NKX6-1: variants seen among roughly 807,000 people sequenced by gnomAD.
NKX6-1 encodes the protein NK6 homeobox 1, also known as homeobox protein Nkx-6.1.
NKX6-1 carries 11 observed loss-of-function variants against 24.9 expected under a neutral mutation model. The ratio of observed to expected loss-of-function variants is 0.44; its 90% CI spans 0.28 to 0.73. NKX6-1 has a LOEUF of 0.73. Ranked by LOEUF, NKX6-1 falls within the 30% of genes least tolerant of loss-of-function variation. NKX6-1 has a pLI of 0.15. For missense variants in NKX6-1, 487 were observed against 502.9 expected, an observed-to-expected ratio of 0.97 and a Z score of 0.30; for synonymous variants, 277 against 242.9, an observed-to-expected ratio of 1.14 and a Z score of -1.31.
chr4:84,494,174 CAAAA>C lies in NKX6-1; in HGVS notation c.844-629_844-626del, dbSNP rs34303850. Among the ~76,000 whole-genome samples the C allele has an allele frequency of 2.4e-3, 253 of 107,574 alleles. 1 individual carries two copies. The highest frequency in any genetic ancestry group is 0.015 in the Middle Eastern group (3 of 200). The allele number at this position is 107,574 out of a possible 152,430, so 70.6% of individuals were successfully genotyped here. A position where few individuals can be genotyped will look rare whatever the true frequency, so the allele number is the denominator to read the frequency against. ...TTTACTTGCAATGTATGGTGCACTTCAAAAAAAAAAAAAAAAAGATCTGTTAAAA... is the reference window on the plus strand; with the variant it reads ...TTTACTTGCAATGTATGGTGCACTTCAAAAAAAAAAAAAGATCTGTTAAAA... On this transcript the variant is annotated intron_variant, in intron 2 of 2. Coordinates refer to ENST00000295886, the MANE Select transcript of NKX6-1 (RefSeq NM_006168.3).
chr4:84,498,615 C>T lies in NKX6-1; in HGVS notation c.-387G>A, dbSNP rs1002157309. On this transcript the variant is annotated 5_prime_UTR_variant, in exon 1 of 3. Coordinates refer to ENST00000295886, the MANE Select transcript of NKX6-1 (RefSeq NM_006168.3). Reference sequence around the variant, plus strand: ...AGCAAAACAAAACCCAGGCTGGCTCCGGAGAGTTTGTAGCAAAGTTAGTTG... The same window carrying T: ...AGCAAAACAAAACCCAGGCTGGCTCTGGAGAGTTTGTAGCAAAGTTAGTTG... Among the ~76,000 whole-genome samples the T allele has an allele frequency of 3.3e-5, 5 of 152,188 alleles. No individual in the cohort carries two copies. Among genetic ancestry groups the T allele is most frequent in the Non-Finnish European group, 7.3e-5 (5 of 68,030 alleles).
rs966343685 is a variant in NKX6-1, at chr4:84,498,898, G to T, written c.-670C>A. On this transcript the variant is annotated 5_prime_UTR_variant, in exon 1 of 3. Transcript: ENST00000295886. ...GCTGCGCCAGAAAGGGCAGTGCCAC[G>T]GATCCCCGCGGCTCCCAGGTCCTCA... is the stretch of plus-strand genomic sequence containing the variant. 6.6e-6 allele frequency among the ~76,000 whole-genome samples: 1 copy of T among 152,220 alleles called. No homozygotes were observed. Among genetic ancestry groups the T allele is most frequent in the Non-Finnish European group, 1.5e-5 (1 of 68,030 alleles).
At position 84,493,863 on chromosome 4, in the gene NKX6-1, TAA is replaced by T. The variant is rs1258836786; in HGVS notation, c.844-316_844-315del. Among the ~76,000 whole-genome samples the T allele has an allele frequency of 1.3e-5, 2 of 152,234 alleles. No individual in the cohort carries two copies. Among genetic ancestry groups the T allele is most frequent in the African/African-American group, 4.8e-5 (2 of 41,466 alleles). ...TCGGAAACTTAAAAATGAGCGTCCC[TAA>T]AAGTGAGTTCACTTTCCTGCCTTCC... On this transcript the variant is annotated intron_variant, in intron 2 of 2. Coordinates refer to ENST00000295886, the MANE Select transcript of NKX6-1 (RefSeq NM_006168.3). The surrounding 1 kb of genome is among the most constrained non-coding windows in gnomAD (Gnocchi z 5.1).
rs1292304236 is a variant in NKX6-1 at position 84,497,789 on chromosome 4, G to A, written c.440C>T (p.Ala147Val). The A allele has an allele frequency of 7.9e-7, 1 of 1,272,432 alleles. No individual in the cohort carries two copies. The highest frequency in any genetic ancestry group is 9.9e-7 in the Non-Finnish European group (1 of 1,013,030). 78.8% of individuals were successfully genotyped at this position (1,272,432 alleles called of 1,614,324 possible). ...CCCCGCCGGGGATGAGGCGGCGGCTGCGGCCGCGGCAGCAGCCGCGGCGGC... is the reference window on the plus strand; with the variant it reads ...CCCCGCCGGGGATGAGGCGGCGGCTACGGCCGCGGCAGCAGCCGCGGCGGC... ...SAAAAAAAAA[A>V]AAASSPAGLL... Residue 147 changes from alanine to valine, a missense_variant, in exon 1 of 3, where the codon GCA (alanine) becomes GTA (valine). Ala to Val is a moderately conservative substitution (Grantham distance 64, BLOSUM62 0). Around this residue, in one of 3 missense-constraint regions of NKX6-1, gnomAD observed 316 missense variants for 311.4 expected, o/e 1.01. Coordinates refer to ENST00000295886, the MANE Select transcript of NKX6-1 (RefSeq NM_006168.3). The surrounding 1 kb of genome is among the most constrained non-coding windows in gnomAD (Gnocchi z 4.8).
At chr4:84,495,333 G>A (rs550997798) in intron 2 of NKX6-1, among the ~76,000 whole-genome samples, 3 of 152,306 alleles carry the variant, frequency 2.0e-5, no homozygotes, top group African/African-American at 7.2e-5. Context: ...CTGTCTAACT[G>A]GCCTGATCTA....
rs1375372865 is a variant in NKX6-1 at position 84,492,395 on chromosome 4, G to A, written c.*894C>T. On this transcript the variant is annotated 3_prime_UTR_variant, in exon 3 of 3. Coordinates refer to ENST00000295886, the MANE Select transcript of NKX6-1 (RefSeq NM_006168.3). ...ACTGTGCAATTTCAGAGAGGAACAG[G>A]GAGGCAGGTGAGAGGCCCTCCCTGG... is the stretch of plus-strand genomic sequence containing the variant. 1.3e-5 allele frequency: 2 copies of A among 152,028 alleles called. No individual in the cohort carries two copies. Among genetic ancestry groups the A allele is most frequent in the East Asian group, 1.9e-4 (1 of 5,156 alleles). The allele number at this position is 152,028 out of a possible 1,614,324, so 9.4% of individuals were successfully genotyped here. A position where few individuals can be genotyped will look rare whatever the true frequency, so the allele number is the denominator to read the frequency against.
In NKX6-1 at chr4:84,497,651, G is replaced by T. The variant is rs938720086; in HGVS notation, c.578C>A (p.Pro193Gln). Residue 193 changes from proline (P) to glutamine (Q), a missense_variant, in exon 1 of 3, where the codon CCG becomes CAG. Transcript: ENST00000295886. This position sits in a 1 kb window ranked among gnomAD's most constrained non-coding sequence, Gnocchi z 4.8. ...CGTCCGGCCAGGCAGCTCAGCCAGC[G>T]GCTTGGGGTACCGGCCCACGGCGGC... ...AVAAVGRYPK[P>Q]LAELPGRTPI... The T allele has an allele frequency of 8.6e-6, 11 of 1,282,426 alleles. No homozygotes were observed. The South Asian group carries it at 2.8e-4, about 33-fold the overall frequency. 79.4% of individuals were successfully genotyped at this position (1,282,426 alleles called of 1,614,324 possible).
At position 84,493,629 on chromosome 4, in the gene NKX6-1, C is replaced by T. The variant is rs1247924902; in HGVS notation, c.844-80G>A. ...CAGATCCAGGCCATGCTACCACTCCCGCATCTCGATGGCCCTCCCGCGGCC... is the reference window on the plus strand; with the variant it reads ...CAGATCCAGGCCATGCTACCACTCCTGCATCTCGATGGCCCTCCCGCGGCC... On this transcript the variant is annotated intron_variant, in intron 2 of 2. Transcript: ENST00000295886. This position sits in a 1 kb window ranked among gnomAD's most constrained non-coding sequence, Gnocchi z 5.1. The T allele has an allele frequency of 1.3e-5, 20 of 1,536,816 alleles. No individual in the cohort carries two copies. The East Asian group carries it at 2.5e-4, about 19-fold the overall frequency.
Position 84,495,559 on chromosome 4 carries a change from C to T in NKX6-1, c.843+113G>A. 3.0e-6 allele frequency: 3 copies of T among 989,544 alleles called. No individual in the cohort carries two copies. In the South Asian group the frequency reaches 5.3e-5, roughly 17 times the overall value. The allele number at this position is 989,544 out of a possible 1,614,324, so 61.3% of individuals were successfully genotyped here. A position where few individuals can be genotyped will look rare whatever the true frequency, so the allele number is the denominator to read the frequency against. On this transcript the variant is annotated intron_variant, in intron 2 of 2. Transcript: ENST00000295886. The stretch of plus-strand genomic sequence containing the variant: ...CCCCAGGCTCCTTGGATTCGCACCT[C>T]CCAGGCGACTGTTTGTTAGTTTGGG...
At chr4:84,495,911 G>A (rs2109986935) in intron 1 of NKX6-1, 67 bp from the exon 2 acceptor site, 1 of 1,485,938 alleles carries the variant, frequency 6.7e-7, no homozygotes, top group Non-Finnish European at 9.3e-7. Context: ...GCACTAGGGG[G>A]AAAAAACGAA....
rs1038730204 is a variant in NKX6-1 at position 84,497,222 on chromosome 4, C to T, written c.670+337G>A. 6.6e-6 allele frequency among the ~76,000 whole-genome samples: 1 copy of T among 152,078 alleles called. No homozygotes were observed. Among genetic ancestry groups the T allele is most frequent in the African/African-American group, 2.4e-5 (1 of 41,432 alleles). ...TTCTAATCCAGGCCAGGCCTGCGGT[C>T]CTGGCCAGGCCGTTTCAGGAACAGC... On this transcript the variant is annotated intron_variant, in intron 1 of 2. Coordinates refer to ENST00000295886, the MANE Select transcript of NKX6-1 (RefSeq NM_006168.3). The surrounding 1 kb of genome is among the most constrained non-coding windows in gnomAD (Gnocchi z 4.8).
rs541365389 is a variant in NKX6-1, at chr4:84,493,274, G to A, written c.*15C>T. ...GTGGAGGCCGGAGCCGGGAAGGTGC[G>A]GCGGGCGGCGGCGTTCAGGATGAGC... On this transcript the variant is annotated 3_prime_UTR_variant, in exon 3 of 3. Transcript: ENST00000295886. The surrounding 1 kb of genome is among the most constrained non-coding windows in gnomAD (Gnocchi z 5.1). The A allele has an allele frequency of 4.3e-6, 6 of 1,407,364 alleles. No individual in the cohort carries two copies. The African/African-American group carries it at 4.3e-5, about 10-fold the overall frequency. The allele number at this position is 1,407,364 out of a possible 1,614,324, so 87.2% of individuals were successfully genotyped here.
In NKX6-1 at chr4:84,492,173, T is replaced by C. The variant is rs532746602; in HGVS notation, c.*1116A>G. 1 of 152,348 alleles carries C rather than the reference T, an allele frequency of 6.6e-6. No individual in the cohort carries two copies. The highest frequency in any genetic ancestry group is 6.5e-5 in the Admixed American group (1 of 15,306). 9.4% of individuals were successfully genotyped at this position (152,348 alleles called of 1,614,324 possible). ...AGAAAACAATTTACATATTCTATAGTATTCTTATGATACAAAACACTTCAA... is the reference window on the plus strand; with the variant it reads ...AGAAAACAATTTACATATTCTATAGCATTCTTATGATACAAAACACTTCAA... On this transcript the variant is annotated 3_prime_UTR_variant, in exon 3 of 3. Transcript: ENST00000295886.
At position 84,497,796 on chromosome 4, in the gene NKX6-1, C is replaced by G; in HGVS notation, c.433G>C (p.Ala145Pro). 2.4e-6 allele frequency: 3 copies of G among 1,268,406 alleles called. No individual in the cohort carries two copies. The highest frequency in any genetic ancestry group is 3.0e-4 in the Middle Eastern group (1 of 3,316). The allele number at this position is 1,268,406 out of a possible 1,614,324, so 78.6% of individuals were successfully genotyped here. A position where few individuals can be genotyped will look rare whatever the true frequency, so the allele number is the denominator to read the frequency against. ...SASAAAAAAAAAAAAASSPAG... is the reference protein window; with the variant it reads ...SASAAAAAAAPAAAAASSPAG... ...GGGGATGAGGCGGCGGCTGCGGCCG[C>G]GGCAGCAGCCGCGGCGGCGGCAGAG... is the stretch of plus-strand genomic sequence containing the variant. Residue 145 changes from alanine (A) to proline (P), a missense_variant, in exon 1 of 3, where the codon GCG (alanine) becomes CCG (proline). This residue lies in a region of NKX6-1 where 316 missense variants were observed against 311.4 expected (regional missense o/e 1.01). Coordinates refer to ENST00000295886, the MANE Select transcript of NKX6-1 (RefSeq NM_006168.3). This position sits in a 1 kb window ranked among gnomAD's most constrained non-coding sequence, Gnocchi z 4.8.
rs762257867 is a variant in NKX6-1, at chr4:84,498,019, G to T, written c.210C>A (p.Gly70=). The T allele has an allele frequency of 2.0e-5, 25 of 1,273,894 alleles. No homozygotes were observed. The highest frequency in any genetic ancestry group is 1.4e-5 in the Non-Finnish European group (14 of 1,009,754). The allele number at this position is 1,273,894 out of a possible 1,614,324, so 78.9% of individuals were successfully genotyped here. The change falls in exon 1 of 3, where the codon GGC becomes GGA. Residue 70 remains glycine (G), a synonymous_variant. Transcript: ENST00000295886. ...PSPPLGTHNP[G]GLKPPATGGL... ...CCCCCGTGGCCGGGGGCTTCAGGCC[G>T]CCTGGGTTGTGGGTGCCCAGAGGCG...
At position 84,493,041 on chromosome 4, in the gene NKX6-1, C is replaced by A; in HGVS notation, c.*248G>T. ...CTGCGGGTTTCAGTAGCGACATTTA[C>A]GCAGTGCATTTGGTGGTCTTTCTTG... On this transcript the variant is annotated 3_prime_UTR_variant, in exon 3 of 3. Transcript: ENST00000295886. The surrounding 1 kb of genome is among the most constrained non-coding windows in gnomAD (Gnocchi z 5.1). 1 of 314,170 alleles carries A rather than the reference C, an allele frequency of 3.2e-6. No homozygotes were observed. 19.5% of individuals were successfully genotyped at this position (314,170 alleles called of 1,614,324 possible). A position where few individuals can be genotyped will look rare whatever the true frequency, so the allele number is the denominator to read the frequency against.
rs1720846239 is a variant in NKX6-1 at position 84,497,626 on chromosome 4, C to A, written c.603G>T (p.Thr201=). The change falls in exon 1 of 3, where the codon ACG becomes ACT. Residue 201 remains threonine, a synonymous_variant. Coordinates refer to ENST00000295886, the MANE Select transcript of NKX6-1 (RefSeq NM_006168.3). The surrounding 1 kb of genome is among the most constrained non-coding windows in gnomAD (Gnocchi z 4.8). ...PKPLAELPGR[T]PIFWPGVMQS... is the part of the protein sequence containing the mutation. Reference sequence around the variant, plus strand: ...GCATCACTCCGGGCCAGAAGATGGGCGTCCGGCCAGGCAGCTCAGCCAGCG... The same window carrying A: ...GCATCACTCCGGGCCAGAAGATGGGAGTCCGGCCAGGCAGCTCAGCCAGCG... 1 of 1,280,534 alleles carries A rather than the reference C, an allele frequency of 7.8e-7. No individual in the cohort carries two copies. The highest frequency in any genetic ancestry group is 9.9e-7 in the Non-Finnish European group (1 of 1,008,744). The allele number at this position is 1,280,534 out of a possible 1,614,324, so 79.3% of individuals were successfully genotyped here.
Position 84,493,132 on chromosome 4 carries a change from A to T in NKX6-1, c.*157T>A. ...CACAACTTCAAGGTTAAAAAAATAG[A>T]TATGTACATCTCAAAAATAGCAAAG... is the stretch of plus-strand genomic sequence containing the variant. On this transcript the variant is annotated 3_prime_UTR_variant, in exon 3 of 3. Transcript: ENST00000295886. This position sits in a 1 kb window ranked among gnomAD's most constrained non-coding sequence, Gnocchi z 5.1. The T allele has an allele frequency of 1.7e-6, 1 of 583,458 alleles. No homozygotes were observed. 36.1% of individuals were successfully genotyped at this position (583,458 alleles called of 1,614,324 possible).
Position 84,492,781 on chromosome 4 carries a change from C to T in NKX6-1, c.*508G>A, listed in dbSNP as rs1174487074. On this transcript the variant is annotated 3_prime_UTR_variant, in exon 3 of 3. Coordinates refer to ENST00000295886, the MANE Select transcript of NKX6-1 (RefSeq NM_006168.3). ...CGATTTATTTACAAAGAGCCTTCAA[C>T]AGGTTACTTTAGTTGCACAGCAGTG... 4 of 152,478 alleles carry T rather than the reference C, an allele frequency of 2.6e-5. No homozygotes were observed. Among genetic ancestry groups the T allele is most frequent in the South Asian group, 2.1e-4 (1 of 4,840 alleles). 9.4% of individuals were successfully genotyped at this position (152,478 alleles called of 1,614,324 possible).
Sources: allele counts gnomAD v4.1 joint callset (sites outside exome capture counted in the v4.1 genomes callset), GRCh38; gene constraint gnomAD v4.1.1; regional missense constraint gnomAD v4.1.1; non-coding constraint Gnocchi (gnomAD v3.1); transcripts MANE v1.5; gene names NCBI Gene and HGNC (gene_info 2026-07-23, HGNC 2026-07-21).